SPNS3: variants seen among roughly 807,000 people sequenced by gnomAD.
The protein encoded by SPNS3 is SPNS lysolipid transporter 3, sphingosine-1-phosphate (putative).
A neutral mutation model predicts 54.4 loss-of-function variants in SPNS3; 51 were observed. The ratio of observed to expected loss-of-function variants is 0.94; its 90% CI spans 0.75 to 1.18. SPNS3 has a LOEUF of 1.18. Among genes scored for constraint, SPNS3 ranks in the 50% most tolerant of loss-of-function variants. SPNS3 has a pLI of 0.00. For synonymous variants in SPNS3, 309 were observed against 294.7 expected, an observed-to-expected ratio of 1.05 and a Z score of -0.50; for missense variants, 669 against 677.4, an observed-to-expected ratio of 0.99 and a Z score of 0.14.
At chr17:4,460,398 A>G (rs1228911393) in intron 8 of SPNS3, among the ~76,000 whole-genome samples, 4 of 149,650 alleles carry the variant, frequency 2.7e-5, no homozygotes, top group Non-Finnish European at 5.9e-5. Context: ...TGCCATGGTC[A>G]TTGTGGGTAA....
intron 1 of SPNS3, among the ~76,000 whole-genome samples, chr17:4,437,210 G>A (rs1198000635): frequency 6.6e-6 from 1 of 152,128 alleles, no homozygotes; most frequent in Non-Finnish European, 1.5e-5. Context: ...GTGGGTGCAC[G>A]CTTGGCTCTG....
chr17:4,450,887 C>T (rs565102388), intron 7 of SPNS3, among the ~76,000 whole-genome samples: 30 of 151,528 alleles, frequency 2.0e-4, no homozygotes, highest in African/African-American at 7.0e-4. Context: ...GAATTACAGG[C>T]GTGAGCCACC....
At chr17:4,465,887 T>C (rs1287983287) in intron 8 of SPNS3, among the ~76,000 whole-genome samples, 1 of 152,238 alleles carries the variant, frequency 6.6e-6, no homozygotes, top group Non-Finnish European at 1.5e-5. Context: ...TGCCGACATC[T>C]GACATTGCAT....
At chr17:4,438,478 C>T (rs75000081) in intron 1 of SPNS3, among the ~76,000 whole-genome samples, 8,751 of 152,296 alleles carry the variant, frequency 0.057, 315 homozygotes, top group Non-Finnish European at 0.08. Flanking sequence ...AGCCGCATGG[C>T]TCACGTGAGC....
chr17:4,434,807 C>CTT (rs774169793), intron 1 of SPNS3, among the ~76,000 whole-genome samples: 33 of 135,678 alleles, frequency 2.4e-4, no homozygotes, highest in Admixed American at 1.1e-3. Flanking sequence ...CGTGCCCGGC[C>CTT]TTTTTTTTTT....
intron 9 of SPNS3, among the ~76,000 whole-genome samples, chr17:4,480,288 G>A (rs915317124): frequency 6.6e-5 from 10 of 152,258 alleles, no homozygotes; most frequent in Admixed American, 3.3e-4. Context: ...ACATGGCCCT[G>A]GGCCTCAGTT....
intron 7 of SPNS3, among the ~76,000 whole-genome samples, chr17:4,450,588 T>C (rs1567559124): frequency 6.6e-6 from 1 of 150,424 alleles, no homozygotes; most frequent in Admixed American, 6.6e-5. Flanking sequence ...TATTTTTATT[T>C]TATTTTATTT....
intron 3 of SPNS3, among the ~76,000 whole-genome samples, chr17:4,445,729 CG>C (rs1251859286): frequency 1.3e-5 from 2 of 152,018 alleles, no homozygotes; most frequent in African/African-American, 2.4e-5. Flanking sequence ...CTCTCACTGC[CG>C]CACCAGCTTC....
At chr17:4,457,959 G>C (rs991211052) in intron 8 of SPNS3, among the ~76,000 whole-genome samples, 1 of 152,120 alleles carries the variant, frequency 6.6e-6, no homozygotes, top group African/African-American at 2.4e-5. Context: ...GGTACCCACC[G>C]ATGCTGAGCC....
chr17:4,438,378 T>C (rs1477503259), intron 1 of SPNS3, among the ~76,000 whole-genome samples: 1 of 152,198 alleles, frequency 6.6e-6, no homozygotes, highest in Non-Finnish European at 1.5e-5. Flanking sequence ...GGATGACAAC[T>C]GCGAGTGTAC....
chr17:4,446,922 C>G lies in SPNS3; in HGVS notation c.581C>G (p.Ala194Gly), dbSNP rs1262680268. 1 of 1,614,108 alleles carries G rather than the reference C, an allele frequency of 6.2e-7. No homozygotes were observed. The highest frequency in any genetic ancestry group is 8.5e-7 in the Non-Finnish European group (1 of 1,180,018). Residue 194 changes from alanine to glycine, a missense_variant, in exon 5 of 12, where the codon GCT becomes GGT. By Grantham distance (60) the Ala-to-Gly change is moderately conservative. Coordinates refer to ENST00000355530, the MANE Select transcript of SPNS3 (RefSeq NM_182538.5). ...GGTCTGGGCTACGTGCTGGGGTCGG[C>G]TGTGACGATGCTGACTGGGAACTGG... Reference protein sequence around the residue: ...GSGLGYVLGSAVTMLTGNWRW... With the variant: ...GSGLGYVLGSGVTMLTGNWRW...
rs1971593422 is a variant in SPNS3, at chr17:4,463,411, A to AAC, written c.1113+10206_1113+10207insAC. ...GACTCTGTCTCAAAAAAAAAAAAAAACAAAACAAAACAAAAAACCAAACCT... is the reference window on the plus strand; with the variant it reads ...GACTCTGTCTCAAAAAAAAAAAAAAAACCAAAACAAAACAAAAAACCAAACCT... On this transcript the variant is annotated intron_variant, in intron 8 of 11. Coordinates refer to ENST00000355530, the MANE Select transcript of SPNS3 (RefSeq NM_182538.5). Among the ~76,000 whole-genome samples, 3 of 140,028 alleles carry AAC rather than the reference A, an allele frequency of 2.1e-5. 1 individual carries two copies. In the South Asian group the frequency reaches 6.5e-4, roughly 30 times the overall value. The allele number at this position is 140,028 out of a possible 152,430, so 91.9% of individuals were successfully genotyped here.
chr17:4,457,188 T>G (rs1209502459), intron 8 of SPNS3, among the ~76,000 whole-genome samples: 2 of 152,116 alleles, frequency 1.3e-5, no homozygotes. Flanking sequence ...GCTCAGGAGT[T>G]AGAGACCAGC....
chr17:4,468,721 T>C lies in SPNS3; in HGVS notation c.1114-9851T>C, dbSNP rs547704859. Reference sequence around the variant, plus strand: ...TTTTCTTTATTTCTCTCTCTCTTTCTTTTCTTTCTTTCTTTCTTTCTTTCT... The same window carrying C: ...TTTTCTTTATTTCTCTCTCTCTTTCCTTTCTTTCTTTCTTTCTTTCTTTCT... On this transcript the variant is annotated intron_variant, in intron 8 of 11. Coordinates refer to ENST00000355530, the MANE Select transcript of SPNS3 (RefSeq NM_182538.5). Among the ~76,000 whole-genome samples, 4 of 121,372 alleles carry C rather than the reference T, an allele frequency of 3.3e-5. No homozygotes were observed. The South Asian group carries it at 8.8e-4, about 27-fold the overall frequency. 79.6% of individuals were successfully genotyped at this position (121,372 alleles called of 152,430 possible). A position where few individuals can be genotyped will look rare whatever the true frequency, so the allele number is the denominator to read the frequency against.
At position 4,452,998 on chromosome 17, in the gene SPNS3, T is replaced by C. The variant is rs1674247426; in HGVS notation, c.924-18T>C. ...AGCTCACCCAGCTGACCAACCCTTCTGTGCTCTTCCCCATCAGCCTGATTT... is the reference window on the plus strand; with the variant it reads ...AGCTCACCCAGCTGACCAACCCTTCCGTGCTCTTCCCCATCAGCCTGATTT... On this transcript the variant is annotated intron_variant, in intron 7 of 11. Transcript: ENST00000355530. 1 of 1,608,898 alleles carries C rather than the reference T, an allele frequency of 6.2e-7. No individual in the cohort carries two copies. Among genetic ancestry groups the C allele is most frequent in the Non-Finnish European group, 8.5e-7 (1 of 1,176,966 alleles).
At chr17:4,470,101 G>C (rs1971816208) in intron 8 of SPNS3, among the ~76,000 whole-genome samples, 1 of 152,088 alleles carries the variant, frequency 6.6e-6, no homozygotes, top group Non-Finnish European at 1.5e-5. Flanking sequence ...TTATATAGTA[G>C]TGCAATTTTT....
intron 9 of SPNS3, among the ~76,000 whole-genome samples, chr17:4,481,076 G>A (rs1424918620): frequency 1.3e-5 from 2 of 152,106 alleles, no homozygotes; most frequent in South Asian, 2.1e-4. Flanking sequence ...GCAGGACACC[G>A]AGGGTAGACA....
chr17:4,462,935 T>A (rs866768988), intron 8 of SPNS3, among the ~76,000 whole-genome samples: 1 of 142,076 alleles, frequency 7.0e-6, no homozygotes, highest in African/African-American at 2.6e-5. Context: ...CCTTCCTGCA[T>A]GATTTCTGCT....
rs375358903 is a variant in SPNS3, at chr17:4,458,526, GCCTT to G, written c.1113+5338_1113+5341del. Among the ~76,000 whole-genome samples the G allele has an allele frequency of 9.7e-4, 56 of 57,980 alleles. 3 individuals carry two copies. Among genetic ancestry groups the G allele is most frequent in the South Asian group, 2.5e-3 (3 of 1,194 alleles). 38.0% of individuals were successfully genotyped at this position (57,980 alleles called of 152,430 possible). On this transcript the variant is annotated intron_variant, in intron 8 of 11. Transcript: ENST00000355530. ...TTTCTTCCCTTCCTCCCTCCCACCC[GCCTT>G]CCTTCCTTCCTTCCTTTCCTTCCTT...
Sources: allele counts gnomAD v4.1 joint callset (sites outside exome capture counted in the v4.1 genomes callset), GRCh38; gene constraint gnomAD v4.1.1; transcripts MANE v1.5; gene names NCBI Gene and HGNC (gene_info 2026-07-23, HGNC 2026-07-21).